NECAB1: variants seen among roughly 807,000 people sequenced by gnomAD.
The protein encoded by NECAB1 is N-terminal EF-hand calcium binding protein 1.
NECAB1 carries 29 observed loss-of-function variants against 57.5 expected under a neutral mutation model. The ratio of observed to expected loss-of-function variants is 0.50; its 90% CI spans 0.38 to 0.69. The LOEUF is 0.69. NECAB1 is among the 30% of genes least tolerant of loss of function. The pLI is 0.00. For synonymous variants in NECAB1, 142 were observed against 147.7 expected (o/e 0.96, Z 0.28); for missense variants, 372 against 413.8 (o/e 0.90, Z 0.88).
chr8:90,809,661 T>A (rs928483261), intron 2 of NECAB1, among the ~76,000 whole-genome samples: 2 of 152,222 alleles, frequency 1.3e-5, no homozygotes, highest in African/African-American at 4.8e-5. Flanking sequence ...GGCTATTAAC[T>A]TCTTTATGGT....
intron 3 of NECAB1, among the ~76,000 whole-genome samples, chr8:90,826,710 TATATTA>T (rs1212628475): frequency 1.3e-5 from 2 of 151,662 alleles, no homozygotes; most frequent in African/African-American, 2.4e-5. Flanking sequence ...ACATTTAATT[TATATTA>T]ATATTAATAT....
intron 12 of NECAB1, among the ~76,000 whole-genome samples, chr8:90,954,326 T>C (rs992632407): frequency 3.3e-5 from 5 of 152,010 alleles, no homozygotes; most frequent in African/African-American, 9.7e-5. Context: ...CATCCAGATA[T>C]GAAAATATAC....
intron 6 of NECAB1, among the ~76,000 whole-genome samples, chr8:90,917,886 GTATATATA>G (rs777688836): frequency 3.3e-5 from 3 of 91,014 alleles, no homozygotes; most frequent in East Asian, 4.8e-4. Context: ...GTGTGTGCGT[GTATATATA>G]TGTCTGTGTG....
intron 3 of NECAB1, among the ~76,000 whole-genome samples, chr8:90,841,966 A>G (rs1414589691): frequency 6.6e-6 from 1 of 152,206 alleles, no homozygotes; most frequent in Non-Finnish European, 1.5e-5. Context: ...GTTCTCATTT[A>G]TAAGTGGGAG....
At chr8:90,807,694 T>C (rs1444968377) in intron 2 of NECAB1, among the ~76,000 whole-genome samples, 2 of 152,166 alleles carry the variant, frequency 1.3e-5, no homozygotes, top group African/African-American at 4.8e-5. Context: ...TCCTCATACT[T>C]TTTGCAAACA....
At chr8:90,896,600 G>A (rs1191916143) in intron 5 of NECAB1, among the ~76,000 whole-genome samples, 1 of 135,246 alleles carries the variant, frequency 7.4e-6, no homozygotes, top group Non-Finnish European at 1.6e-5. Context: ...GCGAGACTCC[G>A]TCTCAAAAAA....
intron 3 of NECAB1, among the ~76,000 whole-genome samples, chr8:90,829,452 A>G (rs1812270490): frequency 6.6e-6 from 1 of 152,056 alleles, no homozygotes; most frequent in Non-Finnish European, 1.5e-5. Flanking sequence ...GACCAAAACC[A>G]ATTTTCCCAG....
rs185703720 is a variant in NECAB1 at position 90,817,261 on chromosome 8, T to G, written c.125-7456T>G. On this transcript the variant is annotated intron_variant, in intron 2 of 12. Transcript: ENST00000417640. ...TGATAATTATGTCATCGTGAAGAAA[T>G]ACAATTTTGTTTCTACCTTCCCAAT... Among the ~76,000 whole-genome samples the G allele has an allele frequency of 6.2e-3, 943 of 151,906 alleles. 6 individuals are homozygous for G. Among genetic ancestry groups the G allele is most frequent in the African/African-American group, 0.021 (886 of 41,550 alleles).
rs530119190 is a variant in NECAB1, at chr8:90,847,861, C to T, written c.233+23036C>T. On this transcript the variant is annotated intron_variant, in intron 3 of 12. Transcript: ENST00000417640. ...CACAGCAGGGGCCTCTGGGTCCAGC[C>T]CACAGTACCATTTTTTTCGCCTTGG... 3.3e-5 allele frequency among the ~76,000 whole-genome samples: 5 copies of T among 152,322 alleles called. No homozygotes were observed. The South Asian group carries it at 1.0e-3, about 32-fold the overall frequency.
At chr8:90,808,887 T>G (rs772904431) in intron 2 of NECAB1, among the ~76,000 whole-genome samples, 11 of 152,044 alleles carry the variant, frequency 7.2e-5, no homozygotes, top group Admixed American at 2.6e-4. Flanking sequence ...CCTCATGATC[T>G]GCCCACCTCA....
At chr8:90,933,063 A>G (rs1006976503) in intron 8 of NECAB1, among the ~76,000 whole-genome samples, 26 of 152,238 alleles carry the variant, frequency 1.7e-4, no homozygotes, top group African/African-American at 6.3e-4. Context: ...CCATAATAAA[A>G]AAATTAAAAA....
chr8:90,883,363 T>C (rs1451687295), intron 5 of NECAB1, among the ~76,000 whole-genome samples: 5 of 152,206 alleles, frequency 3.3e-5, no homozygotes, highest in Non-Finnish European at 7.3e-5. Context: ...AAGCCACTGT[T>C]GAATAGACAT....
chr8:90,894,133 T>C (rs903347599), intron 5 of NECAB1, among the ~76,000 whole-genome samples: 2 of 152,144 alleles, frequency 1.3e-5, no homozygotes, highest in Admixed American at 6.5e-5. Context: ...ATAAATATCA[T>C]ATAAAGTGGA....
Position 90,928,237 on chromosome 8 carries a change from G to A in NECAB1, c.631G>A (p.Asp211Asn). Reference protein sequence around the residue: ...NVSGPGLLEEDNQWMTQINRL... With the variant: ...NVSGPGLLEENNQWMTQINRL... The stretch of plus-strand genomic sequence containing the variant: ...CCTGGCCCCAGGCTTATTAGAAGAA[G>A]ACAACCAGTGGATGACCCAGATAAA... Residue 211 changes from aspartate to asparagine, a missense_variant, in exon 8 of 13, where the codon GAC becomes AAC. Asp to Asn is a conservative substitution (Grantham distance 23). Transcript: ENST00000417640. The A allele has an allele frequency of 1.2e-6, 2 of 1,608,984 alleles. No individual in the cohort carries two copies. Among genetic ancestry groups the A allele is most frequent in the Non-Finnish European group, 1.7e-6 (2 of 1,177,472 alleles).
intron 6 of NECAB1, among the ~76,000 whole-genome samples, chr8:90,919,682 C>T (rs1810057956): frequency 1.3e-5 from 2 of 152,156 alleles, no homozygotes; most frequent in South Asian, 4.1e-4. Context: ...CAGCTTTGAG[C>T]AGAGGATAAC....
Position 90,959,260 on chromosome 8 carries a change from C to G in NECAB1, c.*3748C>G. On this transcript the variant is annotated 3_prime_UTR_variant, in exon 13 of 13. Coordinates refer to ENST00000417640, the MANE Select transcript of NECAB1 (RefSeq NM_022351.5). The stretch of plus-strand genomic sequence containing the variant: ...TAAATTGTATTCCAAACCTGTTCTT[C>G]TGTTTCTGTGGCACCTAGGTTTAAA... 1 of 259,824 alleles carries G rather than the reference C, an allele frequency of 3.8e-6. No individual in the cohort carries two copies. Among genetic ancestry groups the G allele is most frequent in the Non-Finnish European group, 7.2e-6 (1 of 138,646 alleles). 16.1% of individuals were successfully genotyped at this position (259,824 alleles called of 1,614,324 possible). A position where few individuals can be genotyped will look rare whatever the true frequency, so the allele number is the denominator to read the frequency against.
chr8:90,798,346 G>A lies in NECAB1; in HGVS notation c.100-3345G>A, dbSNP rs79877031. Among the ~76,000 whole-genome samples the A allele has an allele frequency of 6.9e-3, 1,056 of 152,252 alleles. 12 individuals carry two copies. Among genetic ancestry groups the A allele is most frequent in the African/African-American group, 0.024 (1,000 of 41,538 alleles). Reference sequence around the variant, plus strand: ...GGAGGAATATGTGCAGGTTTGTTACGTGGGTGTATCACATGATGGCGAGAT... The same window carrying A: ...GGAGGAATATGTGCAGGTTTGTTACATGGGTGTATCACATGATGGCGAGAT... On this transcript the variant is annotated intron_variant, in intron 1 of 12. Coordinates refer to ENST00000417640, the MANE Select transcript of NECAB1 (RefSeq NM_022351.5).
chr8:90,906,899 A>ATATATGTATGTATG (rs1563528345), intron 5 of NECAB1, among the ~76,000 whole-genome samples: 1 of 140,552 alleles, frequency 7.1e-6, no homozygotes. Flanking sequence ...ATATATATAT[A>ATATATGTATGTATG]TATATATATA....
At chr8:90,831,055 C>G (rs117669112) in intron 3 of NECAB1, among the ~76,000 whole-genome samples, 1 of 152,222 alleles carries the variant, frequency 6.6e-6, no homozygotes, top group East Asian at 1.9e-4. Flanking sequence ...GCTGAAAAAT[C>G]TGTCTCCCAT....
Sources: allele counts gnomAD v4.1 joint callset (sites outside exome capture counted in the v4.1 genomes callset), GRCh38; gene constraint gnomAD v4.1.1; transcripts MANE v1.5; gene names NCBI Gene and HGNC (gene_info 2026-07-23, HGNC 2026-07-21).